RABGAP1L: variants seen among roughly 807,000 people sequenced by gnomAD.
RABGAP1L encodes the protein RAB GTPase activating protein 1 like, also known as rab GTPase-activating protein 1-like.
Under a neutral mutation model 137.7 loss-of-function variants are expected in RABGAP1L, and 63 were observed. That is an observed-to-expected ratio of 0.46 (90% CI 0.37 to 0.56). The LOEUF is 0.56. RABGAP1L is among the 20% of genes least tolerant of loss of function. The pLI is 0.00. For missense variants in RABGAP1L, 1,095 were observed against 1,244.0 expected, an observed-to-expected ratio of 0.88 and a Z score of 1.80; for synonymous variants, 431 against 433.7, an observed-to-expected ratio of 0.99 and a Z score of 0.08.
chr1:174,585,552 A>C (rs1572405053), intron 13 of RABGAP1L, among the ~76,000 whole-genome samples: 1 of 152,254 alleles, frequency 6.6e-6, no homozygotes, highest in Non-Finnish European at 1.5e-5. Context: ...ACTTGAAGAA[A>C]GTATAGGAAA....
intron 22 of RABGAP1L, among the ~76,000 whole-genome samples, chr1:174,977,897 A>C (rs1670788952): frequency 6.6e-6 from 1 of 152,236 alleles, no homozygotes; most frequent in Non-Finnish European, 1.5e-5. Flanking sequence ...AGAAATTCAG[A>C]AATCTAATGA....
At position 174,756,857 on chromosome 1, in the gene RABGAP1L, A is replaced by G. The variant is rs1447509021; in HGVS notation, c.2211+4503A>G. ...AGGGCTTCCCAGAAAGCATCACAAG[A>G]AGGTGTCACACCACTCTCGAAGGCA... On this transcript the variant is annotated intron_variant, in intron 18 of 25. Transcript: ENST00000681986. The G allele has an allele frequency of 4.9e-6, 3 of 612,126 alleles. No homozygotes were observed. In the East Asian group the frequency reaches 1.5e-4, roughly 31 times the overall value. The allele number at this position is 612,126 out of a possible 1,614,324, so 37.9% of individuals were successfully genotyped here.
At chr1:174,935,227 A>T (rs950859728) in intron 19 of RABGAP1L, 1 of 152,182 alleles carries the variant, frequency 6.6e-6, no homozygotes, top group Non-Finnish European at 1.5e-5. Flanking sequence ...ATGATTTTTC[A>T]TTGTCTTTGT....
At chr1:174,265,732 T>C (rs1280709105) in intron 7 of RABGAP1L, among the ~76,000 whole-genome samples, 1 of 152,048 alleles carries the variant, frequency 6.6e-6, no homozygotes, top group Admixed American at 6.5e-5. Flanking sequence ...GACCTAAAAA[T>C]ATTCTTCTTT....
At position 174,761,308 on chromosome 1, in the gene RABGAP1L, A is replaced by T. The variant is rs188397560; in HGVS notation, c.2211+8954A>T. Among the ~76,000 whole-genome samples the T allele has an allele frequency of 6.6e-6, 1 of 152,262 alleles. No homozygotes were observed. The highest frequency in any genetic ancestry group is 2.4e-5 in the African/African-American group (1 of 41,474). On this transcript the variant is annotated intron_variant, in intron 18 of 25. Coordinates refer to ENST00000681986, the MANE Select transcript of RABGAP1L (RefSeq NM_001366446.1). This position sits in a 1 kb window ranked among gnomAD's most constrained non-coding sequence, Gnocchi z 4.0. Reference sequence around the variant, plus strand: ...CAGAAAGATCACACACAAGACTGCCACTTCACACTTGGATGGTTGCACAGC... The same window carrying T: ...CAGAAAGATCACACACAAGACTGCCTCTTCACACTTGGATGGTTGCACAGC...
At chr1:174,885,394 T>C (rs1654907173) in intron 19 of RABGAP1L, among the ~76,000 whole-genome samples, 1 of 152,212 alleles carries the variant, frequency 6.6e-6, no homozygotes, top group South Asian at 2.1e-4. Flanking sequence ...ATTGATTCTT[T>C]TATTATTTAT....
chr1:174,241,985 T>C (rs1671868363), intron 5 of RABGAP1L, among the ~76,000 whole-genome samples: 1 of 152,200 alleles, frequency 6.6e-6, no homozygotes, highest in Non-Finnish European at 1.5e-5. Context: ...AGTAGATTGG[T>C]CCATGTGATT....
chr1:174,674,455 T>C (rs923623117), intron 14 of RABGAP1L, among the ~76,000 whole-genome samples: 11 of 150,306 alleles, frequency 7.3e-5, no homozygotes, highest in African/African-American at 1.2e-4. Flanking sequence ...CCATGGTGTA[T>C]ATGTGCCACA....
chr1:174,519,716 A>G (rs1663199685), intron 13 of RABGAP1L, among the ~76,000 whole-genome samples: 1 of 152,220 alleles, frequency 6.6e-6, no homozygotes, highest in South Asian at 2.1e-4. Context: ...AATACATGGT[A>G]CATCTATTGA....
chr1:174,688,967 G>C (rs1481459455), intron 15 of RABGAP1L, among the ~76,000 whole-genome samples: 1 of 152,036 alleles, frequency 6.6e-6, no homozygotes, highest in African/African-American at 2.4e-5. Flanking sequence ...TTAAAGTTAC[G>C]AAAGTGATTT....
At chr1:174,768,108 T>A (rs1015020980) in intron 18 of RABGAP1L, among the ~76,000 whole-genome samples, 10 of 152,208 alleles carry the variant, frequency 6.6e-5, no homozygotes, top group Admixed American at 6.5e-5. Flanking sequence ...ATTGTATCAG[T>A]CATCTTGTAG....
intron 14 of RABGAP1L, among the ~76,000 whole-genome samples, chr1:174,659,994 T>C (rs1676255756): frequency 6.6e-6 from 1 of 152,172 alleles, no homozygotes; most frequent in African/African-American, 2.4e-5. Context: ...TTGCAGGTAT[T>C]AGGGTTGCCA....
chr1:174,174,470 AC>A (rs1445444981), intron 1 of RABGAP1L, among the ~76,000 whole-genome samples: 1 of 152,194 alleles, frequency 6.6e-6, no homozygotes, highest in Non-Finnish European at 1.5e-5. Flanking sequence ...GAATTGGCTT[AC>A]ACAATTATGG....
intron 11 of RABGAP1L, among the ~76,000 whole-genome samples, chr1:174,356,554 A>G (rs2049992): frequency 0.59 from 89,452 of 151,880 alleles, 29,295 homozygotes; most frequent in African/African-American, 0.9. Flanking sequence ...AGGATGAAAA[A>G]CATTGCTAAT....
chr1:174,694,251 A>G (rs1313371725), intron 15 of RABGAP1L, among the ~76,000 whole-genome samples: 1 of 151,692 alleles, frequency 6.6e-6, no homozygotes, highest in Non-Finnish European at 1.5e-5. Context: ...CACAATGTGC[A>G]GGTTAGTTAC....
At chr1:174,528,511 C>T (rs374860999) in intron 13 of RABGAP1L, among the ~76,000 whole-genome samples, 1 of 147,240 alleles carries the variant, frequency 6.8e-6, no homozygotes, top group Non-Finnish European at 1.5e-5. Context: ...TTTATTTCAG[C>T]GCTTGGAATA....
At position 174,439,714 on chromosome 1, in the gene RABGAP1L, T is replaced by C. The variant is rs114380491; in HGVS notation, c.1710+45569T>C. Among the ~76,000 whole-genome samples the C allele has an allele frequency of 3.7e-3, 559 of 152,322 alleles. 4 individuals are homozygous for C. Among genetic ancestry groups the C allele is most frequent in the African/African-American group, 0.012 (481 of 41,578 alleles). Reference sequence around the variant, plus strand: ...TGTGTATTCTGAGCTTCACATAGACTGGGTGTTAGTGTTTTTCAGTCCTTT... The same window carrying C: ...TGTGTATTCTGAGCTTCACATAGACCGGGTGTTAGTGTTTTTCAGTCCTTT... On this transcript the variant is annotated intron_variant, in intron 13 of 25. Transcript: ENST00000681986.
intron 19 of RABGAP1L, among the ~76,000 whole-genome samples, chr1:174,944,005 T>G (rs778710464): frequency 1.3e-4 from 20 of 152,098 alleles, no homozygotes; most frequent in Non-Finnish European, 1.9e-4. Flanking sequence ...ATGCAATGGC[T>G]CACGCCTATA....
chr1:174,919,755 T>C (rs1405619074), intron 19 of RABGAP1L, among the ~76,000 whole-genome samples: 2 of 151,810 alleles, frequency 1.3e-5, no homozygotes, highest in South Asian at 2.1e-4. Flanking sequence ...ACTTGGGAGG[T>C]TGAGGCAGGA....
Sources: allele counts gnomAD v4.1 joint callset (sites outside exome capture counted in the v4.1 genomes callset), GRCh38; gene constraint gnomAD v4.1.1; non-coding constraint Gnocchi (gnomAD v3.1); transcripts MANE v1.5; gene names NCBI Gene and HGNC (gene_info 2026-07-23, HGNC 2026-07-21).